The following FKBP14 variants were observed in gnomAD, a reference collection of about 807,000 sequenced individuals.
FKBP14 encodes the protein peptidyl-prolyl cis-trans isomerase FKBP14.
In FKBP14, 20 loss-of-function variants were observed where a neutral mutation model predicts 21.6. The observed-to-expected ratio is 0.92, with a 90% CI of 0.65 to 1.34. FKBP14 has a LOEUF of 1.34. FKBP14 is among the 40% of genes most tolerant of loss of function. FKBP14 has a pLI of 0.00. For synonymous variants in FKBP14, 79 were observed against 86.7 expected (o/e 0.91, Z 0.49); for missense variants, 253 against 249.0 (o/e 1.02, Z -0.11).
chr7:30,026,191 T>C, intron 1 of FKBP14, 121 bp downstream of exon 1: 1 of 934,482 alleles, frequency 1.1e-6, no homozygotes, highest in East Asian at 2.5e-5. Context: ...AAGAAGGAAA[T>C]AAGATATTTC....
At chr7:30,007,923 C>T (rs971345859), downstream of FKBP14, among the ~76,000 whole-genome samples, 6 of 152,114 alleles carry the variant, frequency 3.9e-5, no homozygotes, top group Non-Finnish European at 8.8e-5. Context: ...CTGGCATGCA[C>T]CTTTAGTCCC....
At chr7:30,009,392 C>T (rs1002598396), downstream of FKBP14, among the ~76,000 whole-genome samples, 1 of 151,958 alleles carries the variant, frequency 6.6e-6, no homozygotes. Context: ...ACCACCATGC[C>T]TGGCTAATTT....
chr7:30,023,620 T>C (rs1483408010), intron 1 of FKBP14, among the ~76,000 whole-genome samples: 1 of 152,164 alleles, frequency 6.6e-6, no homozygotes, highest in East Asian at 1.9e-4. Context: ...TGAAGAAATA[T>C]TCAAGACTGG....
intron 3 of FKBP14, among the ~76,000 whole-genome samples, chr7:30,018,751 A>G (rs959510886): frequency 1.3e-5 from 2 of 152,244 alleles, no homozygotes; most frequent in African/African-American, 4.8e-5. Context: ...AGAAAAAAGC[A>G]AAAGATTGAA....
At chr7:30,022,200 A>T (rs770945321) in intron 2 of FKBP14, among the ~76,000 whole-genome samples, 48 of 152,312 alleles carry the variant, frequency 3.2e-4, no homozygotes, top group Non-Finnish European at 6.6e-4. Context: ...CACATGTTCA[A>T]CTCATCCAAA....
chr7:30,026,172 C>G, intron 1 of FKBP14, 140 bp downstream of exon 1: 2 of 824,782 alleles, frequency 2.4e-6, no homozygotes, highest in Non-Finnish European at 3.7e-6. Flanking sequence ...TAAACAATTT[C>G]CTTTCCCAAA....
chr7:30,021,126 G>T (rs1790021160), intron 2 of FKBP14, among the ~76,000 whole-genome samples: 1 of 152,030 alleles, frequency 6.6e-6, no homozygotes, highest in Non-Finnish European at 1.5e-5. Flanking sequence ...TCTTCATTAT[G>T]TAAGTAATAC....
chr7:30,017,998 GAAATAAATAAATAAATAAATAAAT>G (rs56283024), intron 3 of FKBP14, among the ~76,000 whole-genome samples: 8 of 145,856 alleles, frequency 5.5e-5, no homozygotes, highest in East Asian at 4.0e-4. Flanking sequence ...TCCCTCTCAG[GAAATAAATAAATAAATAAATAAAT>G]AAATAAATAA....
chr7:30,022,032 G>T (rs570214733), intron 2 of FKBP14, among the ~76,000 whole-genome samples: 3 of 152,192 alleles, frequency 2.0e-5, no homozygotes, highest in East Asian at 3.9e-4. Context: ...GTCACTCTAT[G>T]ATTTTTTTTA....
At chr7:30,016,447 A>G (rs1789887305) in intron 3 of FKBP14, among the ~76,000 whole-genome samples, 1 of 151,794 alleles carries the variant, frequency 6.6e-6, no homozygotes, top group Non-Finnish European at 1.5e-5. Context: ...AGGCTGGAGT[A>G]TAGTGGCACG....
At chr7:30,010,376 A>G (rs1789692985), downstream of FKBP14, among the ~76,000 whole-genome samples, 1 of 152,240 alleles carries the variant, frequency 6.6e-6, no homozygotes, top group African/African-American at 2.4e-5. Context: ...GACTTAATGC[A>G]TATTTCAAAA....
chr7:30,010,356 T>G (rs191688903), downstream of FKBP14, among the ~76,000 whole-genome samples: 10 of 152,226 alleles, frequency 6.6e-5, no homozygotes, highest in Admixed American at 4.6e-4. Flanking sequence ...ACTATCATGC[T>G]AAAGGTCAAG....
At position 30,026,626 on chromosome 7, in the gene FKBP14, C is replaced by A; in HGVS notation, c.-118G>T. ...GGGCTTCAGACAAGTTCAGGACTCC[C>A]CCTTCTTAGAAGACGTGGCACATTT... On this transcript the variant is annotated 5_prime_UTR_variant, in exon 1 of 4. Coordinates refer to ENST00000222803, the MANE Select transcript of FKBP14 (RefSeq NM_017946.4). 2 of 850,680 alleles carry A rather than the reference C, an allele frequency of 2.4e-6. No individual in the cohort carries two copies. The highest frequency in any genetic ancestry group is 2.7e-5 in the East Asian group (1 of 37,396). 52.7% of individuals were successfully genotyped at this position (850,680 alleles called of 1,614,324 possible). A position where few individuals can be genotyped will look rare whatever the true frequency, so the allele number is the denominator to read the frequency against.
In FKBP14 at chr7:30,013,810, A is replaced by G. The variant is rs1789808461; in HGVS notation, c.*925T>C. 6.6e-6 allele frequency: 1 copy of G among 152,218 alleles called. No individual in the cohort carries two copies. The highest frequency in any genetic ancestry group is 1.5e-5 in the Non-Finnish European group (1 of 68,038). The allele number at this position is 152,218 out of a possible 1,614,324, so 9.4% of individuals were successfully genotyped here. On this transcript the variant is annotated 3_prime_UTR_variant, in exon 4 of 4. Transcript: ENST00000222803. ...TTATCATAATAGGCCACCAATCACT[A>G]GGAGCCAAGCTTCATCAGCTTAAGT...
chr7:30,017,637 A>G (rs778831214), intron 3 of FKBP14, among the ~76,000 whole-genome samples: 1 of 152,040 alleles, frequency 6.6e-6, no homozygotes, highest in Non-Finnish European at 1.5e-5. Flanking sequence ...TTGAAGTCTC[A>G]GCCTCAAGCA....
intron 3 of FKBP14, 90 bp downstream of exon 3, chr7:30,018,906 T>C: frequency 7.3e-7 from 1 of 1,370,026 alleles, no homozygotes; most frequent in Non-Finnish European, 1.0e-6. Flanking sequence ...CACATATTCA[T>C]TTAAAAAGTG....
At chr7:30,016,878 T>C (rs1294345616) in intron 3 of FKBP14, among the ~76,000 whole-genome samples, 4 of 152,156 alleles carry the variant, frequency 2.6e-5, no homozygotes, top group African/African-American at 7.2e-5. Context: ...ATATAGTATA[T>C]ATTTATTTTT....
intron 3 of FKBP14, among the ~76,000 whole-genome samples, chr7:30,016,387 G>GT (rs1213574098): frequency 6.6e-6 from 1 of 151,288 alleles, no homozygotes. Context: ...ATTTTCATTT[G>GT]TTTTTTTGTT....
intron 2 of FKBP14, 60 bp from the exon 3 acceptor site, chr7:30,019,183 AT>A: frequency 1.3e-6 from 2 of 1,508,016 alleles, no homozygotes; most frequent in Non-Finnish European, 1.8e-6. Flanking sequence ...ATAATAGAAA[AT>A]TTATGGTAAT....
Sources: gnomAD v4.1 joint callset for allele counts (sites outside exome capture counted in the v4.1 genomes callset) on GRCh38, gnomAD v4.1.1 for gene constraint, MANE v1.5 for transcripts, NCBI Gene and HGNC (gene_info 2026-07-23, HGNC 2026-07-21) for gene names.